Variants in CLSTN3 observed in about 807,000 individuals in gnomAD.
CLSTN3 encodes calsyntenin 3.
In CLSTN3, 36 loss-of-function variants were observed where a neutral mutation model predicts 95.9. The ratio of observed to expected loss-of-function variants is 0.38; its 90% confidence interval spans 0.29 to 0.50. The LOEUF (loss-of-function observed/expected upper bound fraction) is 0.50, where lower values mean the gene tolerates loss of function less well. Among genes scored for constraint, CLSTN3 ranks in the 20% least tolerant of loss-of-function variants. The pLI, the probability that CLSTN3 is intolerant of heterozygous loss-of-function variation, is 0.95. For missense variants in CLSTN3, 1,084 were observed against 1,268.8 expected (o/e 0.85, Z 2.21); for synonymous variants, 481 against 504.0 (o/e 0.95, Z 0.61).
intron 16 of CLSTN3, chr12:7,156,571 G>C (rs370788988): frequency 6.6e-6 from 3 of 456,732 alleles, no homozygotes; most frequent in East Asian, 6.9e-5. Flanking sequence ...GGCTGGTGTG[G>C]GCCAGCATGC....
At position 7,141,161 on chromosome 12, in the gene CLSTN3, C is replaced by G; in HGVS notation, c.1324-81C>G. The G allele has an allele frequency of 7.0e-7, 1 of 1,424,726 alleles. No individual in the cohort carries two copies. Among genetic ancestry groups the G allele is most frequent in the Non-Finnish European group, 9.6e-7 (1 of 1,042,458 alleles). The allele number at this position is 1,424,726 out of a possible 1,614,324, so 88.3% of individuals were successfully genotyped here. A position where few individuals can be genotyped will look rare whatever the true frequency, so the allele number is the denominator to read the frequency against. On this transcript the variant is annotated intron_variant, in intron 8 of 17. Transcript: ENST00000266546. The surrounding 1 kb of genome is among the most constrained non-coding windows in gnomAD (Gnocchi z 4.1). ...AATAAAGGGACTGTCCCCTGTCTCC[C>G]AGGAGATGGGGCAGTGCCTAGGGTT...
At chr12:7,146,421 A>G (rs193254931) in intron 12 of CLSTN3, among the ~76,000 whole-genome samples, 230 of 152,226 alleles carry the variant, frequency 1.5e-3, no homozygotes, top group African/African-American at 5.0e-3. Context: ...AGAGAGAGAA[A>G]AAAAAAACAG....
chr12:7,152,491 C>T (rs964436826), intron 16 of CLSTN3, among the ~76,000 whole-genome samples: 3 of 152,154 alleles, frequency 2.0e-5, no homozygotes, highest in African/African-American at 7.2e-5. Flanking sequence ...GGCCATAGAT[C>T]GGTCACCTTT....
At position 7,135,788 on chromosome 12, in the gene CLSTN3, C is replaced by T. The variant is rs1391479565; in HGVS notation, c.593-16C>T. On this transcript the variant is annotated splice_polypyrimidine_tract_variant and intron_variant, in intron 4 of 17. Transcript: ENST00000266546. The stretch of plus-strand genomic sequence containing the variant: ...CTCCAATGCTCTAATGCTCTGTCCT[C>T]CTGACCCCACCCCAGGGAACATTGA... The T allele has an allele frequency of 1.9e-6, 3 of 1,592,592 alleles. No individual in the cohort carries two copies. The highest frequency in any genetic ancestry group is 2.7e-5 in the African/African-American group (2 of 74,266).
chr12:7,151,595 G>A (rs891546792), intron 16 of CLSTN3, among the ~76,000 whole-genome samples: 2 of 152,298 alleles, frequency 1.3e-5, no homozygotes, highest in East Asian at 1.9e-4. Flanking sequence ...TATGCAAAGC[G>A]TTACATTCAG....
At chr12:7,142,459 C>T (rs1217736978) in intron 10 of CLSTN3, among the ~76,000 whole-genome samples, 2 of 152,050 alleles carry the variant, frequency 1.3e-5, no homozygotes, top group African/African-American at 2.4e-5. Context: ...CTGTGAAGCT[C>T]GCTCACATCC....
intron 12 of CLSTN3, among the ~76,000 whole-genome samples, chr12:7,145,235 G>GT (rs2135807965): frequency 6.6e-6 from 1 of 152,254 alleles, no homozygotes; most frequent in East Asian, 1.9e-4. Context: ...GGGCCTTGAT[G>GT]TTTTCTCTAT....
intron 12 of CLSTN3, among the ~76,000 whole-genome samples, chr12:7,147,979 A>C (rs1939650261): frequency 6.6e-6 from 1 of 152,196 alleles, no homozygotes; most frequent in African/African-American, 2.4e-5. Context: ...ATATGAAGAA[A>C]TCTCATCTCT....
chr12:7,135,169 G>A (rs974791674), intron 3 of CLSTN3, among the ~76,000 whole-genome samples, 158 bp from the exon 4 acceptor site: 2 of 152,018 alleles, frequency 1.3e-5, no homozygotes, highest in Admixed American at 6.5e-5. Context: ...CTTGGTGTAC[G>A]GTATCGAACC....
In CLSTN3 at chr12:7,133,617, G is replaced by A; in HGVS notation, c.232G>A (p.Glu78Lys). The A allele has an allele frequency of 6.2e-7, 1 of 1,614,138 alleles. No homozygotes were observed. The highest frequency in any genetic ancestry group is 2.2e-5 in the East Asian group (1 of 44,870). Residue 78 changes from glutamate to lysine, a missense_variant, in exon 3 of 18, where the codon GAG (glutamate) becomes AAG (lysine). Physicochemically the swap from Glu to Lys is moderately conservative, Grantham distance 56. Transcript: ENST00000266546. This position sits in a 1 kb window ranked among gnomAD's most constrained non-coding sequence, Gnocchi z 4.7. ...GCTCCATGGGTCTGGGGTGCCCTTTGAGGCTGTGATCCTTGACAAGGCGAC... is the reference window on the plus strand; with the variant it reads ...GCTCCATGGGTCTGGGGTGCCCTTTAAGGCTGTGATCCTTGACAAGGCGAC... ...FRLHGSGVPF[E>K]AVILDKATGE...
rs77463765 is a variant in CLSTN3, at chr12:7,140,202, C to T, written c.1324-1040C>T. On this transcript the variant is annotated intron_variant, in intron 8 of 17. Transcript: ENST00000266546. ...AAGGGAAGATCAAAGTTGTCTCCTA[C>T]GTCAGCCACTTGAGCAGCTAGATGG... 9.3e-4 allele frequency among the ~76,000 whole-genome samples: 141 copies of T among 152,254 alleles called. 2 individuals are homozygous for T. In the East Asian group the frequency reaches 0.013, roughly 14 times the overall value.
Position 7,158,239 on chromosome 12 carries a change from A to C in CLSTN3, c.*158A>C. On this transcript the variant is annotated 3_prime_UTR_variant, in exon 18 of 18. Transcript: ENST00000266546. The stretch of plus-strand genomic sequence containing the variant: ...TTCAAAACCCCAGCGGGCCCTCTGG[A>C]GTCCGCCCTGCCCCTCCCCCGGCCC... The C allele has an allele frequency of 1.2e-6, 1 of 856,658 alleles. No homozygotes were observed. Among genetic ancestry groups the C allele is most frequent in the Non-Finnish European group, 1.7e-6 (1 of 586,990 alleles). 53.1% of individuals were successfully genotyped at this position (856,658 alleles called of 1,614,324 possible).
Position 7,158,263 on chromosome 12 carries a change from C to T in CLSTN3, c.*182C>T, listed in dbSNP as rs935058858. Reference sequence around the variant, plus strand: ...GAGTCCGCCCTGCCCCTCCCCCGGCCCCCCATCCCTCACTTCTGGGCTGTC... The same window carrying T: ...GAGTCCGCCCTGCCCCTCCCCCGGCTCCCCATCCCTCACTTCTGGGCTGTC... On this transcript the variant is annotated 3_prime_UTR_variant, in exon 18 of 18. Transcript: ENST00000266546. The T allele has an allele frequency of 6.1e-6, 4 of 651,896 alleles. No individual in the cohort carries two copies. The highest frequency in any genetic ancestry group is 3.0e-5 in the East Asian group (1 of 33,848). The allele number at this position is 651,896 out of a possible 1,614,324, so 40.4% of individuals were successfully genotyped here.
intron 16 of CLSTN3, among the ~76,000 whole-genome samples, chr12:7,151,688 G>A (rs939600626): frequency 6.6e-6 from 1 of 152,104 alleles, no homozygotes; most frequent in African/African-American, 2.4e-5. Context: ...CTTTACGAAT[G>A]GTGCAATTTT....
intron 3 of CLSTN3, among the ~76,000 whole-genome samples, chr12:7,134,548 C>T (rs1460813836): frequency 6.6e-6 from 1 of 152,230 alleles, no homozygotes; most frequent in Admixed American, 6.5e-5. Flanking sequence ...TGAAGGGCCT[C>T]GACCCAGCTC....
chr12:7,136,179 A>T (rs747622531), intron 5 of CLSTN3, 27 bp from the exon 6 acceptor site: 7 of 1,606,992 alleles, frequency 4.4e-6, no homozygotes, highest in Non-Finnish European at 6.0e-6. Context: ...CTCTCTCCCC[A>T]TCACCCTCTC....
At chr12:7,142,248 C>A in intron 10 of CLSTN3, 109 bp downstream of exon 10, 1 of 878,692 alleles carries the variant, frequency 1.1e-6, no homozygotes. Context: ...CCTCCTAGGC[C>A]ACCAGGGGGC....
At chr12:7,151,908 G>T (rs765438425) in intron 16 of CLSTN3, among the ~76,000 whole-genome samples, 27 of 152,048 alleles carry the variant, frequency 1.8e-4, no homozygotes, top group African/African-American at 6.0e-4. Context: ...AAAAAAATTA[G>T]CTGGGCATGG....
At chr12:7,154,257 A>G (rs1163802971) in intron 16 of CLSTN3, among the ~76,000 whole-genome samples, 1 of 152,198 alleles carries the variant, frequency 6.6e-6, no homozygotes, top group South Asian at 2.1e-4. Flanking sequence ...ATATCAAACC[A>G]TTCTAAACAT....
Sources: gnomAD v4.1 joint callset for allele counts (sites outside exome capture counted in the v4.1 genomes callset) on GRCh38, gnomAD v4.1.1 for gene constraint, Gnocchi (gnomAD v3.1) non-coding constraint, MANE v1.5 for transcripts, NCBI Gene and HGNC (gene_info 2026-07-23, HGNC 2026-07-21) for gene names.